UGT1A3: variants seen among roughly 807,000 people sequenced by gnomAD.
UGT1A3 encodes the protein UDP glucuronosyltransferase family 1 member A3.
A neutral mutation model predicts 41.0 loss-of-function variants in UGT1A3; 31 were observed. The observed-to-expected ratio is 0.76, with a 90% CI of 0.57 to 1.02. The LOEUF (loss-of-function observed/expected upper bound fraction) is 1.02, where lower values mean the gene tolerates loss of function less well. UGT1A3 is among the 50% of genes least tolerant of loss of function. The probability of loss-of-function intolerance (pLI) is 0.00; values close to 1 mark genes in which losing one functional copy is unlikely to be tolerated. For missense variants in UGT1A3, 737 were observed against 671.0 expected (o/e 1.10, Z -1.09); for synonymous variants, 262 against 257.6 (o/e 1.02, Z -0.17).
intron 1 of UGT1A3, chr2:233,754,898 C>G: frequency 1.5e-6 from 2 of 1,351,858 alleles, no homozygotes; most frequent in Non-Finnish European, 2.0e-6. Context: ...TCCTCTGACC[C>G]CCCAAAATAT....
intron 1 of UGT1A3, among the ~76,000 whole-genome samples, chr2:233,752,887 C>T (rs1345633016): frequency 1.1e-4 from 17 of 152,134 alleles, no homozygotes; most frequent in Admixed American, 1.1e-3. Flanking sequence ...TAAAACTAGC[C>T]AGCGTTGTTA....
chr2:233,766,377 AATGT>A (rs1451884562), intron 1 of UGT1A3, among the ~76,000 whole-genome samples: 1 of 151,914 alleles, frequency 6.6e-6, no homozygotes, highest in Non-Finnish European at 1.5e-5. Context: ...AGTTCTTCTC[AATGT>A]CCAGCTGTCC....
intron 4 of UGT1A3, 143 bp downstream of exon 4, chr2:233,768,582 CTTTTTTT>C (rs139595073): frequency 1.2e-4 from 124 of 1,032,798 alleles, no homozygotes; most frequent in East Asian, 4.8e-4. Context: ...TTTATTTCTT[CTTTTTTT>C]TTTTTTTTTT....
intron 1 of UGT1A3, 45 bp downstream of exon 1, chr2:233,730,038 C>T (rs1559375450): frequency 6.2e-7 from 1 of 1,612,872 alleles, no homozygotes; most frequent in East Asian, 2.2e-5. Flanking sequence ...AGGCAAAACA[C>T]TTTTTAAAAA....
intron 1 of UGT1A3, among the ~76,000 whole-genome samples, chr2:233,764,664 G>A (rs1266153786): frequency 6.6e-6 from 1 of 152,094 alleles, no homozygotes; most frequent in African/African-American, 2.4e-5. Flanking sequence ...ATTTACCAAC[G>A]CTCAGAAGAA....
At chr2:233,734,096 T>G (rs1379771064) in intron 1 of UGT1A3, among the ~76,000 whole-genome samples, 5 of 151,518 alleles carry the variant, frequency 3.3e-5, no homozygotes, top group African/African-American at 9.8e-5. Context: ...CCCTAAAACT[T>G]AAAGTATAAT....
chr2:233,765,063 G>A (rs1333981989), intron 1 of UGT1A3, among the ~76,000 whole-genome samples: 3 of 152,054 alleles, frequency 2.0e-5, no homozygotes, highest in Non-Finnish European at 4.4e-5. Flanking sequence ...CCCTGTCAGA[G>A]GTCTCCTGTG....
intron 1 of UGT1A3, among the ~76,000 whole-genome samples, chr2:233,748,848 A>G (rs1037972949): frequency 6.6e-6 from 1 of 151,534 alleles, no homozygotes; most frequent in Non-Finnish European, 1.5e-5. Flanking sequence ...CTGTGAGCGT[A>G]TAAGCCCAGT....
intron 1 of UGT1A3, chr2:233,760,299 G>A (rs781590934): frequency 6.2e-7 from 1 of 1,613,582 alleles, no homozygotes. Context: ...TGGCTGTGGA[G>A]TCCCAGGGCG....
At chr2:233,744,055 C>T (rs115067532) in intron 1 of UGT1A3, 5 of 645,238 alleles carry the variant, frequency 7.7e-6, no homozygotes, top group Admixed American at 3.6e-5. Flanking sequence ...TCTCATTGGT[C>T]GAGGCCTATG....
chr2:233,757,535 AATATAT>A (rs67292694), intron 1 of UGT1A3, among the ~76,000 whole-genome samples: 4 of 88,308 alleles, frequency 4.5e-5, no homozygotes, highest in East Asian at 2.8e-4. Flanking sequence ...GCCTGTAAGG[AATATAT>A]ATATATATAT....
intron 1 of UGT1A3, chr2:233,752,529 C>A (rs570345449): frequency 1.3e-5 from 2 of 152,130 alleles, no homozygotes; most frequent in Non-Finnish European, 2.9e-5. Context: ...TCTAAAAATT[C>A]TTTAAATAAA....
chr2:233,729,741 G>A lies in UGT1A3; in HGVS notation c.615G>A (p.Met205Ile), dbSNP rs746811742. ...TACTAACAACCAATTCAGACCACAT[G>A]ACATTCATGCAAAGGGTCAAGAACA... The part of the protein sequence containing the change: ...PRLLTTNSDH[M>I]TFMQRVKNML... Residue 205 changes from methionine to isoleucine, a missense_variant, in exon 1 of 5, where the codon ATG becomes ATA. Transcript: ENST00000482026. The A allele has an allele frequency of 1.5e-5, 25 of 1,613,946 alleles. No homozygotes were observed. The highest frequency in any genetic ancestry group is 3.3e-5 in the South Asian group (3 of 91,060).
intron 1 of UGT1A3, among the ~76,000 whole-genome samples, chr2:233,738,155 C>A (rs1206692436): frequency 1.3e-5 from 2 of 152,160 alleles, no homozygotes; most frequent in Non-Finnish European, 2.9e-5. Context: ...GCAAGCTATT[C>A]CTCTTTCTCT....
chr2:233,766,944 A>T (rs1699286381), intron 1 of UGT1A3, 90 bp from the exon 2 acceptor site: 1 of 1,597,452 alleles, frequency 6.3e-7, no homozygotes, highest in Non-Finnish European at 8.5e-7. Context: ...TCATAGTCTT[A>T]AGAGGAAGAT....
chr2:233,751,225 C>T (rs1015976096), intron 1 of UGT1A3, among the ~76,000 whole-genome samples: 6 of 151,960 alleles, frequency 3.9e-5, no homozygotes, highest in Admixed American at 3.9e-4. Flanking sequence ...TTAATGACTG[C>T]CCTGCCTGGT....
chr2:233,743,650 G>T, intron 1 of UGT1A3: 1 of 1,367,276 alleles, frequency 7.3e-7, no homozygotes, highest in Non-Finnish European at 9.8e-7. Context: ...AGCTGAAGAC[G>T]TACTCGAAGG....
At chr2:233,751,971 G>A (rs1694860296) in intron 1 of UGT1A3, among the ~76,000 whole-genome samples, 1 of 152,158 alleles carries the variant, frequency 6.6e-6, no homozygotes, top group Non-Finnish European at 1.5e-5. Context: ...TCTGAGAAAA[G>A]GAAATGAATC....
chr2:233,747,060 A>C (rs1693551800), intron 1 of UGT1A3, among the ~76,000 whole-genome samples: 1 of 151,974 alleles, frequency 6.6e-6, no homozygotes, highest in Non-Finnish European at 1.5e-5. Flanking sequence ...ATGATTGGTT[A>C]ATCGGTAATA....
Sources: allele counts gnomAD v4.1 joint callset (sites outside exome capture counted in the v4.1 genomes callset), GRCh38; gene constraint gnomAD v4.1.1; transcripts MANE v1.5; gene names NCBI Gene and HGNC (gene_info 2026-07-23, HGNC 2026-07-21).